The following KCNIP1 variants were observed in gnomAD, a reference collection of about 807,000 sequenced individuals.
KCNIP1 encodes potassium voltage-gated channel interacting protein 1.
KCNIP1 carries 18 observed loss-of-function variants against 33.0 expected under a neutral mutation model. The ratio of observed to expected loss-of-function variants is 0.55; its 90% CI spans 0.38 to 0.81. KCNIP1 has a LOEUF of 0.81. KCNIP1 is among the 30% of genes least tolerant of loss of function. The probability of loss-of-function intolerance (pLI) is 0.00; values close to 1 mark genes in which losing one functional copy is unlikely to be tolerated. For missense variants in KCNIP1, 238 were observed against 271.6 expected (o/e 0.88, Z 0.87); for synonymous variants, 93 against 98.3 (o/e 0.95, Z 0.32).
At chr5:170,498,503 C>T (rs961671063) in intron 1 of KCNIP1, among the ~76,000 whole-genome samples, 3 of 152,064 alleles carry the variant, frequency 2.0e-5, no homozygotes, top group African/African-American at 4.8e-5. Context: ...CACCTGCTAC[C>T]CTGAACTTAC....
chr5:170,435,713 A>G (rs1468888546), intron 1 of KCNIP1, among the ~76,000 whole-genome samples: 2 of 152,208 alleles, frequency 1.3e-5, no homozygotes, highest in African/African-American at 4.8e-5. Flanking sequence ...ACAGGGTTAC[A>G]GGAGAAGTAA....
At chr5:170,380,530 G>A (rs1764198342) in intron 1 of KCNIP1, among the ~76,000 whole-genome samples, 1 of 152,256 alleles carries the variant, frequency 6.6e-6, no homozygotes, top group Non-Finnish European at 1.5e-5. Flanking sequence ...CAGCAACACA[G>A]AGGAGGGTTG....
intron 1 of KCNIP1, among the ~76,000 whole-genome samples, chr5:170,715,038 T>C (rs1581536095): frequency 6.6e-6 from 1 of 152,374 alleles, no homozygotes; most frequent in Middle Eastern, 3.4e-3. Context: ...CTTCCATTCA[T>C]GGTAAGTGCC....
At chr5:170,421,328 G>T (rs186185046) in intron 1 of KCNIP1, among the ~76,000 whole-genome samples, 1 of 152,146 alleles carries the variant, frequency 6.6e-6, no homozygotes, top group Non-Finnish European at 1.5e-5. Context: ...ACCCAGTTTC[G>T]CCATGTGGTT....
At chr5:170,425,620 C>T (rs1755595775) in intron 1 of KCNIP1, among the ~76,000 whole-genome samples, 1 of 152,174 alleles carries the variant, frequency 6.6e-6, no homozygotes. Context: ...CTTCTGACAC[C>T]CCATTTTGGC....
intron 1 of KCNIP1, among the ~76,000 whole-genome samples, chr5:170,404,026 C>T (rs1754972850): frequency 6.6e-6 from 1 of 152,098 alleles, no homozygotes; most frequent in Non-Finnish European, 1.5e-5. Flanking sequence ...CTGTCTTGGT[C>T]CTGCACTAGA....
rs564444941 is a variant in KCNIP1, at chr5:170,559,158, T to A, written c.61+54525T>A. Among the ~76,000 whole-genome samples, 12 of 152,342 alleles carry A rather than the reference T, an allele frequency of 7.9e-5. No homozygotes were observed. In the South Asian group the frequency reaches 2.3e-3, roughly 29 times the overall value. On this transcript the variant is annotated intron_variant, in intron 1 of 7. Coordinates refer to ENST00000328939, the MANE Select transcript of KCNIP1 (RefSeq NM_014592.4). ...GGCAGCATCCACCTTCACTCTAGAC[T>A]GAATTAATTCCTCTGTCTTACCACC...
At chr5:170,606,583 C>T (rs926856903) in intron 1 of KCNIP1, among the ~76,000 whole-genome samples, 2 of 152,088 alleles carry the variant, frequency 1.3e-5, no homozygotes, top group Non-Finnish European at 2.9e-5. Context: ...AGAAGGTGGC[C>T]ATCTCAAATG....
intron 1 of KCNIP1, among the ~76,000 whole-genome samples, chr5:170,360,953 C>CA (rs1763496278): frequency 1.3e-5 from 2 of 152,250 alleles, no homozygotes; most frequent in South Asian, 4.1e-4. Context: ...CTACCACTCC[C>CA]TATCTCCCTT....
intron 1 of KCNIP1, among the ~76,000 whole-genome samples, chr5:170,696,573 G>A (rs1762902368): frequency 1.3e-5 from 2 of 152,152 alleles, no homozygotes; most frequent in Non-Finnish European, 2.9e-5. Context: ...GCAGCACATT[G>A]TACAACTCCA....
intron 1 of KCNIP1, among the ~76,000 whole-genome samples, chr5:170,573,026 A>C (rs187611748): frequency 4.6e-5 from 7 of 152,362 alleles, no homozygotes; most frequent in African/African-American, 1.7e-4. Flanking sequence ...AGAGAAGCCC[A>C]AGGCTGCTAA....
chr5:170,702,554 C>T (rs1323775893), intron 1 of KCNIP1, among the ~76,000 whole-genome samples: 2 of 152,164 alleles, frequency 1.3e-5, no homozygotes, highest in African/African-American at 4.8e-5. Flanking sequence ...TGTCTTCCCT[C>T]CTGCCCCCTC....
intron 1 of KCNIP1, among the ~76,000 whole-genome samples, chr5:170,548,446 T>C (rs1010662304): frequency 2.6e-4 from 39 of 152,362 alleles, no homozygotes; most frequent in African/African-American, 8.7e-4. Context: ...AAAATTTCAC[T>C]TCTCCGGAAA....
chr5:170,539,834 T>C (rs183143865), intron 1 of KCNIP1, among the ~76,000 whole-genome samples: 11 of 152,254 alleles, frequency 7.2e-5, no homozygotes, highest in African/African-American at 1.9e-4. Context: ...AATAGGTTCT[T>C]TGGTTATGGC....
chr5:170,643,339 A>G (rs1165880608), intron 1 of KCNIP1, among the ~76,000 whole-genome samples: 4 of 152,218 alleles, frequency 2.6e-5, no homozygotes, highest in Admixed American at 2.0e-4. Flanking sequence ...ACTGTAAGAG[A>G]ATACATTTGT....
At chr5:170,577,968 A>C (rs1295019549) in intron 1 of KCNIP1, among the ~76,000 whole-genome samples, 1 of 152,230 alleles carries the variant, frequency 6.6e-6, no homozygotes, top group East Asian at 1.9e-4. Context: ...CCTAAAAAAA[A>C]TGTGTCAATG....
chr5:170,592,800 C>T (rs918348510), intron 1 of KCNIP1, among the ~76,000 whole-genome samples: 1 of 152,152 alleles, frequency 6.6e-6, no homozygotes, highest in Admixed American at 6.5e-5. Flanking sequence ...GAGCAAAGAC[C>T]TCTGCAAAGT....
At chr5:170,447,851 A>C (rs964535894) in intron 1 of KCNIP1, among the ~76,000 whole-genome samples, 1 of 151,822 alleles carries the variant, frequency 6.6e-6, no homozygotes, top group African/African-American at 2.4e-5. Context: ...TTCCAGTTGA[A>C]GTCATCCTAT....
intron 1 of KCNIP1, among the ~76,000 whole-genome samples, chr5:170,640,118 T>A (rs1332375668): frequency 6.6e-6 from 1 of 152,178 alleles, no homozygotes; most frequent in Non-Finnish European, 1.5e-5. Context: ...GGAAGTAGAA[T>A]CAACAGGACT....
Sources: allele counts gnomAD v4.1 joint callset (sites outside exome capture counted in the v4.1 genomes callset), GRCh38; gene constraint gnomAD v4.1.1; transcripts MANE v1.5; gene names NCBI Gene and HGNC (gene_info 2026-07-23, HGNC 2026-07-21).